Variants in ZNF541 observed in about 807,000 individuals in gnomAD.
ZNF541 encodes zinc finger protein 541.
Under a neutral mutation model 123.5 loss-of-function variants are expected in ZNF541, and 23 were observed. That is an observed-to-expected ratio of 0.19 (90% CI 0.13 to 0.26). ZNF541 has a LOEUF of 0.26. Ranked by LOEUF, ZNF541 falls within the 10% of genes least tolerant of loss-of-function variation. The pLI, the probability that ZNF541 is intolerant of heterozygous loss-of-function variation, is 1.00. For missense variants in ZNF541, 1,612 were observed against 1,789.9 expected (o/e 0.90, Z 1.79); for synonymous variants, 751 against 754.5 (o/e 1.00, Z 0.08).
chr19:47,546,599 TC>T (rs1970369768), intron 4 of ZNF541, among the ~76,000 whole-genome samples: 2 of 151,978 alleles, frequency 1.3e-5, no homozygotes, highest in South Asian at 2.1e-4. Flanking sequence ...CAGAGTGGGT[TC>T]CCAAGGAACA....
intron 3 of ZNF541, among the ~76,000 whole-genome samples, chr19:47,552,200 T>A (rs1970627636): frequency 6.6e-6 from 1 of 152,160 alleles, no homozygotes; most frequent in African/African-American, 2.4e-5. Flanking sequence ...TCAGGGATAC[T>A]ATGGAGATGG....
intron 12 of ZNF541, among the ~76,000 whole-genome samples, 158 bp from the exon 13 acceptor site, chr19:47,529,810 A>G (rs775018620): frequency 1.3e-5 from 2 of 152,158 alleles, no homozygotes; most frequent in East Asian, 3.8e-4. Context: ...CAGCCTGTGA[A>G]CTGTCTGTGC....
In ZNF541 at chr19:47,532,902, A is replaced by G. The variant is rs568600237; in HGVS notation, c.3158+7T>C. The G allele has an allele frequency of 1.7e-5, 27 of 1,550,064 alleles. No homozygotes were observed. Among genetic ancestry groups the G allele is most frequent in the Non-Finnish European group, 2.2e-5 (25 of 1,146,180 alleles). The stretch of plus-strand genomic sequence containing the variant: ...AAAGCAGCTTCACTGGAAAGGACCC[A>G]ACTTACGGCTCAATGCTGATTTTGG... On this transcript the variant is annotated splice_region_variant and intron_variant, in intron 10 of 16. Transcript: ENST00000391901.
At chr19:47,526,481 CAAAAAAAAA>C (rs71180847) in intron 14 of ZNF541, among the ~76,000 whole-genome samples, 2 of 34,976 alleles carry the variant, frequency 5.7e-5, no homozygotes, top group Non-Finnish European at 1.0e-4. Flanking sequence ...GACTCCATCT[CAAAAAAAAA>C]AAAAAAAAAA....
chr19:47,540,581 A>G (rs145902725), intron 6 of ZNF541, among the ~76,000 whole-genome samples: 1 of 152,128 alleles, frequency 6.6e-6, no homozygotes, highest in East Asian at 1.9e-4. Flanking sequence ...CTAAGATTAC[A>G]GGTGTGTGCC....
At chr19:47,563,273 C>T (rs768051492) in intron 2 of ZNF541, among the ~76,000 whole-genome samples, 6 of 152,170 alleles carry the variant, frequency 3.9e-5, no homozygotes, top group African/African-American at 9.7e-5. Flanking sequence ...TTTTAAGTAA[C>T]TTCCAGTGGG....
intron 8 of ZNF541, among the ~76,000 whole-genome samples, chr19:47,539,402 T>C (rs1425541196): frequency 6.6e-6 from 1 of 150,926 alleles, no homozygotes; most frequent in African/African-American, 2.4e-5. Context: ...TGGGTTCAAG[T>C]GATTCTCGGG....
At chr19:47,561,713 T>C (rs1056709351) in intron 2 of ZNF541, among the ~76,000 whole-genome samples, 3 of 145,492 alleles carry the variant, frequency 2.1e-5, no homozygotes, top group African/African-American at 8.4e-5. Flanking sequence ...TGTTTTCTGT[T>C]TTGTTTTTTT....
At position 47,533,051 on chromosome 19, in the gene ZNF541, G is replaced by A. The variant is rs1969649170; in HGVS notation, c.3095-79C>T. The A allele has an allele frequency of 7.5e-6, 10 of 1,333,270 alleles. No individual in the cohort carries two copies. The East Asian group carries it at 7.9e-5, about 11-fold the overall frequency. The allele number at this position is 1,333,270 out of a possible 1,614,324, so 82.6% of individuals were successfully genotyped here. The stretch of plus-strand genomic sequence containing the variant: ...GGGTCCTCTGCCTGCCTGTGTGGAC[G>A]CAGCTGAAAGCAGGGTCTTTAAGAT... On this transcript the variant is annotated intron_variant, in intron 9 of 16. Coordinates refer to ENST00000391901, the MANE Select transcript of ZNF541 (RefSeq NM_001277075.3).
chr19:47,533,780 GC>G (rs1969693075), intron 9 of ZNF541, among the ~76,000 whole-genome samples: 1 of 152,140 alleles, frequency 6.6e-6, no homozygotes, highest in Non-Finnish European at 1.5e-5. Flanking sequence ...GGCAGAGTGA[GC>G]CGAGACTGTG....
rs1471900520 is a variant in ZNF541 at position 47,544,338 on chromosome 19, C to T, written c.2191G>A (p.Gly731Ser). The change falls in exon 5 of 17, where the codon GGT becomes AGT. Residue 731 changes from glycine to serine, a missense_variant. Coordinates refer to ENST00000391901, the MANE Select transcript of ZNF541 (RefSeq NM_001277075.3). Reference sequence around the variant, plus strand: ...CGGGAGCAGGCTGGGCCCTTTTCACCTTTTGTGATCCTTGAAGCCGCGCCA... The same window carrying T: ...CGGGAGCAGGCTGGGCCCTTTTCACTTTTTGTGATCCTTGAAGCCGCGCCA... ...ENGAASRITK[G>S]EKGPACSRGG... 6.4e-7 allele frequency: 1 copy of T among 1,551,662 alleles called. No individual in the cohort carries two copies. The highest frequency in any genetic ancestry group is 1.2e-5 in the South Asian group (1 of 84,062).
chr19:47,571,280 T>A (rs941124575), intron 2 of ZNF541, among the ~76,000 whole-genome samples: 6 of 152,062 alleles, frequency 3.9e-5, no homozygotes, highest in Admixed American at 6.6e-5. Flanking sequence ...ATCCAACTAA[T>A]TTTTTGTATT....
intron 12 of ZNF541, among the ~76,000 whole-genome samples, chr19:47,530,529 A>AG (rs1295385668): frequency 2.0e-5 from 3 of 152,104 alleles, no homozygotes; most frequent in Non-Finnish European, 4.4e-5. Flanking sequence ...CCCTGAGGGC[A>AG]GGGATTTTAT....
chr19:47,525,788 T>C (rs546085740), intron 14 of ZNF541, among the ~76,000 whole-genome samples: 246 of 152,020 alleles, frequency 1.6e-3, no homozygotes, highest in Non-Finnish European at 3.1e-3. Context: ...TGGTGGCATG[T>C]GCCTGTAGTC....
At chr19:47,533,004 G>C (rs111793569) in intron 9 of ZNF541, 32 bp from the exon 10 acceptor site, 7 of 1,538,970 alleles carry the variant, frequency 4.5e-6, no homozygotes, top group African/African-American at 4.1e-5. Context: ...GGCTCAAGAA[G>C]ACAGACAGCA....
rs1360676265 is a variant in ZNF541, at chr19:47,538,241, T to C, written c.2995A>G (p.Met999Val). 3.9e-6 allele frequency: 6 copies of C among 1,551,326 alleles called. No individual in the cohort carries two copies. The African/African-American group carries it at 4.1e-5, about 11-fold the overall frequency. Residue 999 changes from methionine (M) to valine (V), a missense_variant, in exon 9 of 17, where the codon ATG (methionine) becomes GTG (valine). Met to Val is a conservative substitution (Grantham distance 21, BLOSUM62 1). Transcript: ENST00000391901. ...FQCSPYTPPP[M>V]LSPIREGSGV... Reference sequence around the variant, plus strand: ...GAGCCCTCCCGGATGGGGCTGAGCATTGGGGGTGGTGTGTAGGGGGAGCAC... The same window carrying C: ...GAGCCCTCCCGGATGGGGCTGAGCACTGGGGGTGGTGTGTAGGGGGAGCAC...
intron 3 of ZNF541, among the ~76,000 whole-genome samples, chr19:47,552,085 T>C (rs972162201): frequency 6.6e-6 from 1 of 152,064 alleles, no homozygotes; most frequent in Admixed American, 6.6e-5. Context: ...CTCAAACTTC[T>C]GGCCTCAAGC....
intron 5 of ZNF541, among the ~76,000 whole-genome samples, chr19:47,542,914 A>G (rs954942918): frequency 6.6e-6 from 1 of 152,190 alleles, no homozygotes; most frequent in East Asian, 1.9e-4. Context: ...ACTGCATTCC[A>G]GCCTGGGCGA....
In ZNF541 at chr19:47,538,283, G is replaced by A. The variant is rs1969917548; in HGVS notation, c.2953C>T (p.Leu985=). The change falls in exon 9 of 17, where the codon CTG becomes TTG. Residue 985 remains leucine (L), a synonymous_variant. Coordinates refer to ENST00000391901, the MANE Select transcript of ZNF541 (RefSeq NM_001277075.3). ...GGGGAGCACTGGAATAAGCCCTTCA[G>A]GAGGCAGTCCACCAGGAACATGGGT... is the stretch of plus-strand genomic sequence containing the variant. ...RSPMFLVDCL[L]KGLFQCSPYT... 1.3e-6 allele frequency: 2 copies of A among 1,550,888 alleles called. No individual in the cohort carries two copies. Among genetic ancestry groups the A allele is most frequent in the African/African-American group, 2.7e-5 (2 of 73,176 alleles).
Sources: allele counts gnomAD v4.1 joint callset (sites outside exome capture counted in the v4.1 genomes callset), GRCh38; gene constraint gnomAD v4.1.1; transcripts MANE v1.5; gene names NCBI Gene and HGNC (gene_info 2026-07-23, HGNC 2026-07-21).